Variants in CTIF observed in about 807,000 individuals in gnomAD.
CTIF encodes the protein CBP80/20-dependent translation initiation factor.
A neutral mutation model predicts 66.0 loss-of-function variants in CTIF; 21 were observed. That is an observed-to-expected ratio of 0.32 (90% CI 0.23 to 0.46). CTIF has a LOEUF of 0.46. CTIF is among the 20% of genes least tolerant of loss of function. The probability of loss-of-function intolerance (pLI) is 1.00; values close to 1 mark genes in which losing one functional copy is unlikely to be tolerated. For synonymous variants in CTIF, 345 were observed against 326.4 expected (o/e 1.06, Z -0.62); for missense variants, 739 against 812.7 (o/e 0.91, Z 1.10).
intron 1 of CTIF, among the ~76,000 whole-genome samples, chr18:48,562,759 T>C (rs1442017420): frequency 6.6e-5 from 10 of 152,188 alleles, no homozygotes; most frequent in East Asian, 1.9e-4. Context: ...TAATTATGCC[T>C]GATAAAAATG....
intron 9 of CTIF, among the ~76,000 whole-genome samples, chr18:48,781,234 G>C (rs1374414568): frequency 6.6e-6 from 1 of 152,254 alleles, no homozygotes; most frequent in African/African-American, 2.4e-5. Flanking sequence ...CAAGTCAGCT[G>C]TGTGTGCAGA....
intron 10 of CTIF, among the ~76,000 whole-genome samples, chr18:48,838,782 A>G (rs1361914438): frequency 6.6e-6 from 1 of 152,184 alleles, no homozygotes; most frequent in African/African-American, 2.4e-5. Context: ...ACAGGCAGCA[A>G]TAGTGATTTG....
chr18:48,734,157 C>T (rs530723668), intron 7 of CTIF, among the ~76,000 whole-genome samples: 2 of 152,306 alleles, frequency 1.3e-5, no homozygotes, highest in South Asian at 2.1e-4. Context: ...GGAAAAGAGA[C>T]CTCGAGTCCC....
At chr18:48,838,599 C>T (rs1568259187) in intron 10 of CTIF, among the ~76,000 whole-genome samples, 1 of 152,222 alleles carries the variant, frequency 6.6e-6, no homozygotes, top group Non-Finnish European at 1.5e-5. Context: ...TGGGTGGGCT[C>T]AAAGTATATG....
intron 9 of CTIF, among the ~76,000 whole-genome samples, chr18:48,777,604 A>C (rs1163264774): frequency 6.6e-6 from 1 of 152,228 alleles, no homozygotes; most frequent in African/African-American, 2.4e-5. Flanking sequence ...TGGGTCCTGG[A>C]TTCCCTGGGA....
intron 9 of CTIF, among the ~76,000 whole-genome samples, chr18:48,816,815 G>T (rs1011673017): frequency 1.3e-5 from 2 of 152,234 alleles, no homozygotes; most frequent in Non-Finnish European, 2.9e-5. Flanking sequence ...AGTCCACCAC[G>T]CAGAGGGCAT....
chr18:48,699,922 C>T (rs1460485051), intron 6 of CTIF, among the ~76,000 whole-genome samples: 2 of 152,262 alleles, frequency 1.3e-5, no homozygotes, highest in Non-Finnish European at 2.9e-5. Context: ...ATCTGCATTG[C>T]TGCAGTCCCC....
At chr18:48,565,103 TTTAA>T (rs3056433) in intron 1 of CTIF, 114,647 of 151,498 alleles carry the variant, frequency 0.76, 43,556 homozygotes, top group East Asian at 0.96. Context: ...ATTTTGCATA[TTTAA>T]TTAACTCGGG....
chr18:48,735,978 T>A (rs189231543), intron 7 of CTIF, among the ~76,000 whole-genome samples: 8 of 152,268 alleles, frequency 5.3e-5, no homozygotes, highest in African/African-American at 1.9e-4. Context: ...CCGGGTGGTC[T>A]GGTGGTTAGG....
At chr18:48,540,515 C>A (rs1428355971) in intron 1 of CTIF, among the ~76,000 whole-genome samples, 2 of 142,662 alleles carry the variant, frequency 1.4e-5, no homozygotes, top group South Asian at 4.4e-4. Context: ...AAAAGACAAT[C>A]GGGAGGGGGG....
chr18:48,745,794 G>C (rs980611091), intron 7 of CTIF, among the ~76,000 whole-genome samples: 16 of 152,234 alleles, frequency 1.1e-4, no homozygotes, highest in African/African-American at 3.9e-4. Context: ...GGGGAGCCAT[G>C]TCCCAAGATG....
At chr18:48,689,089 GC>G (rs1264271214) in intron 6 of CTIF, among the ~76,000 whole-genome samples, 5 of 152,202 alleles carry the variant, frequency 3.3e-5, no homozygotes, top group Non-Finnish European at 7.3e-5. Context: ...GTGTTTGGGG[GC>G]CTTCAGACAC....
intron 6 of CTIF, among the ~76,000 whole-genome samples, chr18:48,703,457 A>G (rs1382155295): frequency 1.3e-5 from 2 of 152,226 alleles, no homozygotes; most frequent in Non-Finnish European, 2.9e-5. Context: ...CATTTAGTGT[A>G]GTTGTTTTTA....
intron 10 of CTIF, among the ~76,000 whole-genome samples, chr18:48,856,496 T>C (rs918993213): frequency 4.6e-5 from 7 of 151,898 alleles, no homozygotes; most frequent in African/African-American, 1.7e-4. Context: ...AGCTAAAAGG[T>C]GGAAACAACG....
intron 3 of CTIF, among the ~76,000 whole-genome samples, chr18:48,642,826 G>A (rs537581230): frequency 6.6e-5 from 10 of 152,172 alleles, no homozygotes; most frequent in Admixed American, 2.6e-4. Context: ...GGGCAGTTCC[G>A]TTTTAACCAG....
intron 10 of CTIF, among the ~76,000 whole-genome samples, chr18:48,840,040 G>T (rs2068902048): frequency 6.6e-6 from 1 of 152,178 alleles, no homozygotes. Flanking sequence ...AGCAACAGTT[G>T]CTCCCAGGCT....
At chr18:48,574,739 G>A (rs1456556230) in intron 1 of CTIF, among the ~76,000 whole-genome samples, 1 of 151,938 alleles carries the variant, frequency 6.6e-6, no homozygotes, top group African/African-American at 2.4e-5. Flanking sequence ...GGGAAGTGTG[G>A]CGACTATCTC....
chr18:48,572,490 G>A (rs2089438938), intron 1 of CTIF, among the ~76,000 whole-genome samples: 1 of 152,248 alleles, frequency 6.6e-6, no homozygotes, highest in African/African-American at 2.4e-5. Flanking sequence ...AGGAAACTCC[G>A]GCTCAGAGAG....
chr18:48,738,825 C>G (rs1308669382), intron 7 of CTIF, among the ~76,000 whole-genome samples: 5 of 152,238 alleles, frequency 3.3e-5, no homozygotes, highest in African/African-American at 1.2e-4. Flanking sequence ...TGAGTAAATG[C>G]TCACTAAACC....
Sources: gnomAD v4.1 joint callset for allele counts (sites outside exome capture counted in the v4.1 genomes callset) on GRCh38, gnomAD v4.1.1 for gene constraint, MANE v1.5 for transcripts, NCBI Gene and HGNC (gene_info 2026-07-23, HGNC 2026-07-21) for gene names.